AGPAT3: variants seen among roughly 807,000 people sequenced by gnomAD.
The protein encoded by AGPAT3 is 1-acylglycerol-3-phosphate O-acyltransferase 3.
A neutral mutation model predicts 47.3 loss-of-function variants in AGPAT3; 5 were observed. The ratio of observed to expected loss-of-function variants is 0.11; its 90% confidence interval spans 0.06 to 0.22. The LOEUF is 0.22. Ranked by LOEUF, AGPAT3 falls within the 10% of genes least tolerant of loss-of-function variation. The pLI is 1.00. For synonymous variants in AGPAT3, 212 were observed against 208.3 expected (o/e 1.02, Z -0.15); for missense variants, 315 against 493.0 (o/e 0.64, Z 3.42).
intron 2 of AGPAT3, among the ~76,000 whole-genome samples, chr21:43,945,523 C>T (rs1053329683): frequency 4.6e-5 from 7 of 152,102 alleles, no homozygotes; most frequent in African/African-American, 1.2e-4. Context: ...AGACGATGGC[C>T]GAGGTTCAGG....
chr21:43,971,621 G>C, intron 7 of AGPAT3, 131 bp downstream of exon 7: 1 of 794,140 alleles, frequency 1.3e-6, no homozygotes, highest in Non-Finnish European at 2.0e-6. Flanking sequence ...TCACACGGAA[G>C]GCCTGTCTGC....
Position 43,980,721 on chromosome 21 carries a change from C to T in AGPAT3, c.844-268C>T, listed in dbSNP as rs77320129. ...GGCAGGCAGGTGTTGGTATTCACAA[C>T]GTTGCTTTCTTGACCGATTATTTTC... On this transcript the variant is annotated intron_variant, in intron 8 of 9. Coordinates refer to ENST00000291572, the MANE Select transcript of AGPAT3 (RefSeq NM_020132.5). Among the ~76,000 whole-genome samples, 443 of 152,292 alleles carry T rather than the reference C, an allele frequency of 2.9e-3. 3 individuals carry two copies. The highest frequency in any genetic ancestry group is 7.5e-3 in the South Asian group (36 of 4,828).
intron 3 of AGPAT3, among the ~76,000 whole-genome samples, chr21:43,962,891 A>G (rs1423414470): frequency 9.3e-6 from 1 of 107,598 alleles, no homozygotes; most frequent in Admixed American, 1.0e-4. Context: ...TGGACTGAAG[A>G]TGACCCACTG....
chr21:43,927,034 T>C (rs982773438), intron 2 of AGPAT3, among the ~76,000 whole-genome samples: 2 of 148,170 alleles, frequency 1.3e-5, no homozygotes, highest in Non-Finnish European at 3.0e-5. Flanking sequence ...CCTAGGCTAG[T>C]CTCAAACTCC....
chr21:43,946,877 A>G (rs754168383), intron 2 of AGPAT3: 1 of 152,326 alleles, frequency 6.6e-6, no homozygotes, highest in Non-Finnish European at 1.5e-5. Flanking sequence ...GCTGTGCCCT[A>G]GCATGGGAAG....
intron 2 of AGPAT3, among the ~76,000 whole-genome samples, chr21:43,947,733 T>G (rs2087967741): frequency 2.0e-5 from 3 of 150,384 alleles, no homozygotes; most frequent in Non-Finnish European, 3.0e-5. Context: ...AAAAACTGCC[T>G]CCCGGGTTCA....
chr21:43,946,887 G>A (rs1432871231), intron 2 of AGPAT3: 1 of 152,326 alleles, frequency 6.6e-6, no homozygotes, highest in African/African-American at 2.4e-5. Flanking sequence ...AGCATGGGAA[G>A]CGCCTGCTGT....
intron 1 of AGPAT3, among the ~76,000 whole-genome samples, chr21:43,889,297 T>A (rs2145917606): frequency 6.6e-6 from 1 of 151,710 alleles, no homozygotes; most frequent in Non-Finnish European, 1.5e-5. Context: ...TTTTTTTTTT[T>A]TTTTAATGTT....
chr21:43,982,451 C>CT lies in AGPAT3; in HGVS notation c.*59_*60insT. 1 of 1,254,272 alleles carries CT rather than the reference C, an allele frequency of 8.0e-7. No homozygotes were observed. The highest frequency in any genetic ancestry group is 1.2e-6 in the Non-Finnish European group (1 of 861,212). The allele number at this position is 1,254,272 out of a possible 1,614,324, so 77.7% of individuals were successfully genotyped here. ...CGGTGGTATCCAGTTAACTCAAAAC[C>CT]AACACACAGAGTGCAGGAAAAGACA... On this transcript the variant is annotated 3_prime_UTR_variant, in exon 10 of 10. Coordinates refer to ENST00000291572, the MANE Select transcript of AGPAT3 (RefSeq NM_020132.5). The surrounding 1 kb of genome is among the most constrained non-coding windows in gnomAD (Gnocchi z 6.2).
Position 43,908,603 on chromosome 21 carries a change from A to G in AGPAT3, c.-49+4584A>G, listed in dbSNP as rs1051374837. 6.6e-6 allele frequency among the ~76,000 whole-genome samples: 1 copy of G among 152,096 alleles called. No homozygotes were observed. The highest frequency in any genetic ancestry group is 2.4e-5 in the African/African-American group (1 of 41,398). ...GAGCCGTGGGTGCGGCACTAGAAGG[A>G]TGAGAAAGGACCTATGGCCTCCAGC... On this transcript the variant is annotated intron_variant, in intron 2 of 9. Transcript: ENST00000291572. The surrounding 1 kb of genome is among the most constrained non-coding windows in gnomAD (Gnocchi z 4.9).
In AGPAT3 at chr21:43,952,032, G is replaced by C. The variant is rs758207065; in HGVS notation, c.-48-7602G>C. ...GGGAGGAGGGTCCACATGCTGCAGC[G>C]AAGGACCTGGGGCAGGCAGGGGGTG... On this transcript the variant is annotated intron_variant, in intron 2 of 9. Coordinates refer to ENST00000291572, the MANE Select transcript of AGPAT3 (RefSeq NM_020132.5). This position sits in a 1 kb window ranked among gnomAD's most constrained non-coding sequence, Gnocchi z 5.6. Among the ~76,000 whole-genome samples, 3 of 152,112 alleles carry C rather than the reference G, an allele frequency of 2.0e-5. No homozygotes were observed. The highest frequency in any genetic ancestry group is 4.8e-5 in the African/African-American group (2 of 41,424).
chr21:43,870,150 G>A lies in AGPAT3; in HGVS notation c.-112+4805G>A, dbSNP rs574991212. 1.8e-4 allele frequency among the ~76,000 whole-genome samples: 27 copies of A among 152,350 alleles called. No individual in the cohort carries two copies. The South Asian group carries it at 3.1e-3, about 18-fold the overall frequency. On this transcript the variant is annotated intron_variant, in intron 1 of 9. Coordinates refer to ENST00000291572, the MANE Select transcript of AGPAT3 (RefSeq NM_020132.5). ...AGCCGTCCTCCTTGGACTCCCTGCCGTGGCTGGCAGTGAGCTGGTGCAGGG... is the reference window on the plus strand; with the variant it reads ...AGCCGTCCTCCTTGGACTCCCTGCCATGGCTGGCAGTGAGCTGGTGCAGGG...
intron 2 of AGPAT3, among the ~76,000 whole-genome samples, chr21:43,929,965 A>G (rs1198345095): frequency 6.6e-6 from 1 of 152,198 alleles, no homozygotes; most frequent in East Asian, 1.9e-4. Context: ...CAGGTGACAG[A>G]CGCGTTCTCT....
chr21:43,943,788 T>C (rs2087756426), intron 2 of AGPAT3, among the ~76,000 whole-genome samples: 2 of 152,172 alleles, frequency 1.3e-5, no homozygotes, highest in Non-Finnish European at 2.9e-5. Context: ...ATGGCAGTAG[T>C]GGCAGCTTAT....
chr21:43,953,593 G>T (rs2088306734), intron 2 of AGPAT3, among the ~76,000 whole-genome samples: 1 of 152,196 alleles, frequency 6.6e-6, no homozygotes, highest in South Asian at 2.1e-4. Context: ...ATTCCACAAT[G>T]ATAAAATCCT....
At chr21:43,917,166 A>T (rs1286371214) in intron 2 of AGPAT3, among the ~76,000 whole-genome samples, 1 of 139,010 alleles carries the variant, frequency 7.2e-6, no homozygotes, top group African/African-American at 2.7e-5. Context: ...CACGGTAAGC[A>T]CCCCCGCCCC....
Position 43,970,802 on chromosome 21 carries a change from G to T in AGPAT3, c.660G>T (p.Gly220=). The T allele has an allele frequency of 6.3e-7, 1 of 1,577,386 alleles. No homozygotes were observed. The change falls in exon 6 of 10, where the codon GGG becomes GGT. Residue 220 remains glycine (G), a synonymous_variant. Transcript: ENST00000291572. The surrounding 1 kb of genome is among the most constrained non-coding windows in gnomAD (Gnocchi z 5.8). The stretch of plus-strand genomic sequence containing the variant: ...CCACCGCAGTCAAGTGCCTCCGGGG[G>T]ACAGGTAGGCCCCAGACTGCCCGAG... ...GFTTAVKCLR[G]TVAAVYDVTL...
chr21:43,979,308 A>AAAG (rs2089749824), intron 8 of AGPAT3, among the ~76,000 whole-genome samples: 1 of 146,540 alleles, frequency 6.8e-6, no homozygotes, highest in Non-Finnish European at 1.5e-5. Context: ...CAAAAAAAAA[A>AAAG]AAAAAAAAGA....
chr21:43,905,778 C>T (rs908460199), intron 2 of AGPAT3, among the ~76,000 whole-genome samples: 2 of 152,254 alleles, frequency 1.3e-5, no homozygotes, highest in South Asian at 2.1e-4. Context: ...TCCCGCTCTT[C>T]TGCCTGTCCT....
Sources: allele counts gnomAD v4.1 joint callset (sites outside exome capture counted in the v4.1 genomes callset), GRCh38; gene constraint gnomAD v4.1.1; non-coding constraint Gnocchi (gnomAD v3.1); transcripts MANE v1.5; gene names NCBI Gene and HGNC (gene_info 2026-07-23, HGNC 2026-07-21).